Variants in DTNA observed in about 807,000 individuals in gnomAD.
DTNA encodes the protein dystrobrevin alpha, also known as dystrophin-related protein 3.
A neutral mutation model predicts 100.7 loss-of-function variants in DTNA; 43 were observed. That is an observed-to-expected ratio of 0.43 (90% CI 0.33 to 0.55). The LOEUF (loss-of-function observed/expected upper bound fraction) is 0.55, where lower values mean the gene tolerates loss of function less well. Among genes scored for constraint, DTNA ranks in the 20% least tolerant of loss-of-function variants. The pLI is 0.04. For synonymous variants in DTNA, 349 were observed against 347.9 expected (o/e 1.00, Z -0.04); for missense variants, 798 against 953.9 (o/e 0.84, Z 2.15).
intron 1 of DTNA, among the ~76,000 whole-genome samples, chr18:34,678,203 A>C (rs1160042492): frequency 2.0e-5 from 3 of 152,074 alleles, no homozygotes; most frequent in African/African-American, 7.2e-5. Flanking sequence ...GACACAGCAA[A>C]CCCGTATCAT....
At chr18:34,627,793 G>A (rs549518784) in intron 1 of DTNA, among the ~76,000 whole-genome samples, 1 of 152,272 alleles carries the variant, frequency 6.6e-6, no homozygotes, top group African/African-American at 2.4e-5. Context: ...TTTTGAATGT[G>A]TGCTAAGTCT....
At chr18:34,547,146 A>G (rs1041756218) in intron 1 of DTNA, among the ~76,000 whole-genome samples, 4 of 152,182 alleles carry the variant, frequency 2.6e-5, no homozygotes, top group African/African-American at 9.6e-5. Flanking sequence ...GGAAATTTGT[A>G]TAATAATTTT....
At chr18:34,757,853 A>G (rs958942011) in intron 2 of DTNA, among the ~76,000 whole-genome samples, 2 of 152,240 alleles carry the variant, frequency 1.3e-5, no homozygotes, top group Admixed American at 1.3e-4. Context: ...TAACGGTCAG[A>G]ATAGATAAAC....
At chr18:34,833,595 ACCATG>A (rs1450162720) in intron 11 of DTNA, among the ~76,000 whole-genome samples, 1 of 152,206 alleles carries the variant, frequency 6.6e-6, no homozygotes, top group Non-Finnish European at 1.5e-5. Context: ...TTCAAAATTT[ACCATG>A]CCATGCCCTC....
At chr18:34,836,420 A>AG (rs1268536057) in intron 11 of DTNA, among the ~76,000 whole-genome samples, 2 of 152,154 alleles carry the variant, frequency 1.3e-5, no homozygotes, top group African/African-American at 2.4e-5. Flanking sequence ...TGGGAGGCCG[A>AG]GGGGGGCAGA....
intron 1 of DTNA, chr18:34,513,456 C>T (rs2041290723): frequency 6.6e-6 from 1 of 152,156 alleles, no homozygotes; most frequent in Non-Finnish European, 1.5e-5. Context: ...TAAAATGTTT[C>T]TCTGGCTCTG....
chr18:34,561,342 T>A (rs762014257), intron 1 of DTNA, among the ~76,000 whole-genome samples: 2 of 152,192 alleles, frequency 1.3e-5, no homozygotes, highest in African/African-American at 2.4e-5. Flanking sequence ...TTACAGAACT[T>A]CTCAGTACTG....
At chr18:34,820,643 C>A in intron 8 of DTNA, 148 bp from the exon 9 acceptor site, 1 of 1,307,148 alleles carries the variant, frequency 7.7e-7, no homozygotes. Context: ...AACTCTTTTC[C>A]GAGCATTGAG....
In DTNA at chr18:34,891,190, G is replaced by A. The variant is rs1344788162; in HGVS notation, c.*3456G>A. On this transcript the variant is annotated 3_prime_UTR_variant, in exon 23 of 23. Coordinates refer to ENST00000444659, the MANE Select transcript of DTNA (RefSeq NM_001386795.1). ...AAATAATCAATTCAGAGACACTAAA[G>A]ATTTCACAATATTCATTGGTATTGT... 1 of 152,286 alleles carries A rather than the reference G, an allele frequency of 6.6e-6. No homozygotes were observed. The highest frequency in any genetic ancestry group is 1.9e-4 in the East Asian group (1 of 5,196). The allele number at this position is 152,286 out of a possible 1,614,324, so 9.4% of individuals were successfully genotyped here.
chr18:34,794,656 G>A (rs1028167476), intron 4 of DTNA, among the ~76,000 whole-genome samples: 4 of 152,180 alleles, frequency 2.6e-5, no homozygotes, highest in Admixed American at 6.5e-5. Context: ...AGGCCCTACA[G>A]CAAACAAGAA....
chr18:34,503,409 T>C (rs976609309), intron 1 of DTNA, among the ~76,000 whole-genome samples: 1 of 146,088 alleles, frequency 6.8e-6, no homozygotes, highest in South Asian at 2.3e-4. Context: ...AGCCTCAGCC[T>C]CCCGAGTAGC....
chr18:34,621,529 G>A (rs1029696037), intron 1 of DTNA, among the ~76,000 whole-genome samples: 5 of 151,906 alleles, frequency 3.3e-5, no homozygotes, highest in African/African-American at 1.2e-4. Context: ...ATGTAACAAC[G>A]TGGATGAACT....
In DTNA at chr18:34,656,757, TTAGA is replaced by T. The variant is rs200130361; in HGVS notation, c.-1-99217_-1-99214del. 2.4e-4 allele frequency among the ~76,000 whole-genome samples: 36 copies of T among 152,334 alleles called. No homozygotes were observed. In the East Asian group the frequency reaches 6.6e-3, roughly 28 times the overall value. On this transcript the variant is annotated intron_variant, in intron 1 of 19. Transcript: ENST00000283365. The stretch of plus-strand genomic sequence containing the variant: ...CAAAGAGAAGAGAAAATTATAGTTG[TTAGA>T]TGTTGAAATGCTTTTTTAAAACATA...
chr18:34,859,832 C>G (rs138083988), intron 16 of DTNA, among the ~76,000 whole-genome samples: 8 of 152,254 alleles, frequency 5.3e-5, no homozygotes, highest in African/African-American at 1.9e-4. Flanking sequence ...TGTGGTTTCT[C>G]CTACTACTCC....
At chr18:34,740,984 G>A (rs1350946362) in intron 1 of DTNA, among the ~76,000 whole-genome samples, 1 of 152,024 alleles carries the variant, frequency 6.6e-6, no homozygotes, top group Non-Finnish European at 1.5e-5. Context: ...ATGTATGTGT[G>A]GGTATTTTTA....
At chr18:34,851,955 G>C in intron 15 of DTNA, 27 bp downstream of exon 15, 1 of 1,609,596 alleles carries the variant, frequency 6.2e-7, no homozygotes, top group African/African-American at 1.3e-5. Context: ...GTGCTGGCTT[G>C]TTTGATCAAT....
intron 1 of DTNA, among the ~76,000 whole-genome samples, chr18:34,634,496 T>C (rs2058443316): frequency 6.6e-6 from 1 of 152,202 alleles, no homozygotes; most frequent in Non-Finnish European, 1.5e-5. Context: ...AACGTCTGGC[T>C]TAATAAAGAA....
chr18:34,614,864 A>T (rs1412222088), intron 1 of DTNA, among the ~76,000 whole-genome samples: 1 of 152,240 alleles, frequency 6.6e-6, no homozygotes, highest in Non-Finnish European at 1.5e-5. Flanking sequence ...AGGCAGTGAC[A>T]GGGTTTGAGA....
chr18:34,714,038 G>A (rs1209254646), intron 1 of DTNA, among the ~76,000 whole-genome samples: 2 of 151,094 alleles, frequency 1.3e-5, no homozygotes, highest in African/African-American at 4.8e-5. Context: ...TATGTAGAAA[G>A]CTGAAACTGG....
Sources: gnomAD v4.1 joint callset for allele counts (sites outside exome capture counted in the v4.1 genomes callset) on GRCh38, gnomAD v4.1.1 for gene constraint, MANE v1.5 for transcripts, NCBI Gene and HGNC (gene_info 2026-07-23, HGNC 2026-07-21) for gene names.